Variants in CNDP2 observed in about 807,000 individuals in gnomAD.
The protein encoded by CNDP2 is cytosolic non-specific dipeptidase.
In CNDP2, 38 loss-of-function variants were observed where a neutral mutation model predicts 55.0. The ratio of observed to expected loss-of-function variants is 0.69; its 90% CI spans 0.53 to 0.90. The LOEUF is 0.90. CNDP2 is among the 40% of genes least tolerant of loss of function. CNDP2 has a pLI of 0.00. For missense variants in CNDP2, 607 were observed against 621.7 expected (o/e 0.98, Z 0.25); for synonymous variants, 241 against 260.2 (o/e 0.93, Z 0.71).
rs1447442760 is a variant in CNDP2, at chr18:74,518,350, C to T, written c.1069-149C>T. On this transcript the variant is annotated intron_variant, in intron 9 of 11. Coordinates refer to ENST00000324262, the MANE Select transcript of CNDP2 (RefSeq NM_018235.3). The stretch of plus-strand genomic sequence containing the variant: ...TTAAGCAACAGAAAATGAGACTCAT[C>T]GTAGACTCAGCATAGACCCATCACA... 15 of 717,934 alleles carry T rather than the reference C, an allele frequency of 2.1e-5. No homozygotes were observed. The East Asian group carries it at 2.6e-4, about 13-fold the overall frequency. The allele number at this position is 717,934 out of a possible 1,614,324, so 44.5% of individuals were successfully genotyped here.
intron 8 of CNDP2, among the ~76,000 whole-genome samples, chr18:74,515,963 G>A (rs1335804321): frequency 6.6e-6 from 1 of 152,220 alleles, no homozygotes; most frequent in Admixed American, 6.5e-5. Context: ...AGTTCTGCCA[G>A]GTGGACCTGA....
Position 74,513,546 on chromosome 18 carries a change from C to G in CNDP2, c.743-13C>G. 1 of 1,607,396 alleles carries G rather than the reference C, an allele frequency of 6.2e-7. No homozygotes were observed. The highest frequency in any genetic ancestry group is 2.2e-5 in the East Asian group (1 of 44,824). On this transcript the variant is annotated splice_polypyrimidine_tract_variant and intron_variant, in intron 7 of 11. Transcript: ENST00000324262. The stretch of plus-strand genomic sequence containing the variant: ...CTCCCCTGAGTGCTGTAACCCTCTC[C>G]GGCTTCCCTCAGGCTCTTTGGTGGA...
chr18:74,520,242 G>A lies in CNDP2; in HGVS notation c.*174G>A, dbSNP rs894468960. On this transcript the variant is annotated 3_prime_UTR_variant, in exon 12 of 12. Transcript: ENST00000324262. The stretch of plus-strand genomic sequence containing the variant: ...CAGCTGTCCACGGGTGGAGCTACCC[G>A]TTGGGCTTATGAGTGACCTGGAGTG... 4.8e-5 allele frequency: 30 copies of A among 623,000 alleles called. No individual in the cohort carries two copies. The highest frequency in any genetic ancestry group is 2.6e-4 in the Middle Eastern group (1 of 3,900). The allele number at this position is 623,000 out of a possible 1,614,324, so 38.6% of individuals were successfully genotyped here.
intron 7 of CNDP2, 68 bp downstream of exon 7, chr18:74,512,600 G>C (rs868839516): frequency 1.5e-6 from 2 of 1,374,908 alleles, no homozygotes; most frequent in African/African-American, 2.9e-5. Context: ...CAGGCTGTCT[G>C]TCATCAGCAT....
intron 9 of CNDP2, chr18:74,518,161 C>T (rs905622194): frequency 9.2e-5 from 16 of 173,656 alleles, no homozygotes; most frequent in Admixed American, 6.2e-4. Context: ...CTCAGAGAGG[C>T]TGAGGCAGGA....
chr18:74,500,193 A>G (rs1978614814), intron 2 of CNDP2, among the ~76,000 whole-genome samples, 160 bp downstream of exon 2: 1 of 152,232 alleles, frequency 6.6e-6, no homozygotes, highest in African/African-American at 2.4e-5. Flanking sequence ...CATAGGTTAC[A>G]CTTTTGGTTT....
At chr18:74,503,195 A>G (rs1356467099) in intron 3 of CNDP2, among the ~76,000 whole-genome samples, 2 of 152,044 alleles carry the variant, frequency 1.3e-5, no homozygotes, top group African/African-American at 4.8e-5. Flanking sequence ...AATTCTTAAG[A>G]AAGGGCCTTT....
At chr18:74,514,964 G>T (rs1440482661) in intron 8 of CNDP2, among the ~76,000 whole-genome samples, 2 of 152,222 alleles carry the variant, frequency 1.3e-5, no homozygotes, top group Non-Finnish European at 2.9e-5. Context: ...GGGCCTGCAC[G>T]AGGGGAGGGT....
At chr18:74,501,260 G>T (rs561623931) in intron 2 of CNDP2, 69 bp from the exon 3 acceptor site, 2 of 1,552,922 alleles carry the variant, frequency 1.3e-6, no homozygotes, top group Non-Finnish European at 1.7e-6. Flanking sequence ...ATGTGGCAAC[G>T]TTACGGGAGC....
chr18:74,513,070 G>A (rs1021266437), intron 7 of CNDP2, among the ~76,000 whole-genome samples: 3 of 152,252 alleles, frequency 2.0e-5, no homozygotes, highest in East Asian at 1.9e-4. Context: ...CCTGCGTGAC[G>A]TCCACTCTGT....
intron 5 of CNDP2, among the ~76,000 whole-genome samples, chr18:74,510,569 A>G (rs1979286837): frequency 6.6e-6 from 1 of 152,106 alleles, no homozygotes; most frequent in African/African-American, 2.4e-5. Context: ...CTTTCCTGGA[A>G]GCTCCCCTCG....
At chr18:74,501,843 ACC>A (rs542530095) in intron 3 of CNDP2, among the ~76,000 whole-genome samples, 321 of 151,196 alleles carry the variant, frequency 2.1e-3, no homozygotes, top group African/African-American at 7.3e-3. Flanking sequence ...ACTCCCCCCA[ACC>A]CCCGGCTCCC....
intron 1 of CNDP2, among the ~76,000 whole-genome samples, chr18:74,497,036 G>A (rs536519001): frequency 1.6e-4 from 25 of 152,272 alleles, no homozygotes; most frequent in African/African-American, 5.8e-4. Flanking sequence ...ATGGTCTGGG[G>A]CAGGTGTCTT....
chr18:74,501,517 T>C, intron 3 of CNDP2, 45 bp downstream of exon 3: 1 of 1,565,004 alleles, frequency 6.4e-7, no homozygotes, highest in Non-Finnish European at 8.7e-7. Flanking sequence ...AGACAGATTC[T>C]GCCTGAGGGG....
intron 3 of CNDP2, 21 bp downstream of exon 3, chr18:74,501,493 C>A (rs1444536677): frequency 2.5e-6 from 4 of 1,608,190 alleles, no homozygotes; most frequent in Non-Finnish European, 3.4e-6. Context: ...ACATTCTTTG[C>A]ATTGCAGGAC....
At position 74,520,054 on chromosome 18, in the gene CNDP2, C is replaced by T; in HGVS notation, c.1414C>T (p.Gln472Ter). The T allele has an allele frequency of 6.2e-7, 1 of 1,614,140 alleles. No homozygotes were observed. The highest frequency in any genetic ancestry group is 8.5e-7 in the Non-Finnish European group (1 of 1,180,002). ...GGCCGCGTACCTGTATGAGGTCTCC[C>T]AGCTGAAGGACTAGGCCAAGCCCTC... is the stretch of plus-strand genomic sequence containing the variant. ...MLAAYLYEVS[Q>*]LKD Residue 472 changes from glutamine to a stop codon, truncating the protein, a stop_gained, in exon 12 of 12, where the codon CAG becomes TAG. Coordinates refer to ENST00000324262, the MANE Select transcript of CNDP2 (RefSeq NM_018235.3). LOFTEE classifies it high-confidence loss of function.
At chr18:74,499,603 A>G (rs1978577998) in intron 1 of CNDP2, 1 of 219,636 alleles carries the variant, frequency 4.6e-6, no homozygotes, top group Admixed American at 5.2e-5. Flanking sequence ...AATTTTTATT[A>G]AAGTACCAGT....
chr18:74,509,037 G>C, intron 5 of CNDP2, 109 bp downstream of exon 5: 1 of 885,244 alleles, frequency 1.1e-6, no homozygotes, highest in South Asian at 1.5e-5. Context: ...GAAAAGATAA[G>C]ACAAGCGTCC....
At chr18:74,511,559 T>C (rs1358443851) in intron 6 of CNDP2, among the ~76,000 whole-genome samples, 5 of 151,904 alleles carry the variant, frequency 3.3e-5, no homozygotes, top group Non-Finnish European at 5.9e-5. Context: ...ATACAAAAAG[T>C]TAGCCAGGTG....
Sources: gnomAD v4.1 joint callset for allele counts (sites outside exome capture counted in the v4.1 genomes callset) on GRCh38, gnomAD v4.1.1 for gene constraint, MANE v1.5 for transcripts, NCBI Gene and HGNC (gene_info 2026-07-23, HGNC 2026-07-21) for gene names.